Variants in RAB11FIP4 observed in about 807,000 individuals in gnomAD.
RAB11FIP4 encodes rab11 family-interacting protein 4.
Under a neutral mutation model 74.3 loss-of-function variants are expected in RAB11FIP4, and 23 were observed. The ratio of observed to expected loss-of-function variants is 0.31; its 90% CI spans 0.22 to 0.44. RAB11FIP4 has a LOEUF of 0.44. RAB11FIP4 is among the 20% of genes least tolerant of loss of function. The pLI, the probability that RAB11FIP4 is intolerant of heterozygous loss-of-function variation, is 1.00. For synonymous variants in RAB11FIP4, 360 were observed against 359.9 expected (o/e 1.00, Z 0.00); for missense variants, 630 against 863.9 (o/e 0.73, Z 3.39).
rs766124598 is a variant in RAB11FIP4 at position 31,428,943 on chromosome 17, T to TA, written c.160-2862dup. 1.4e-4 allele frequency among the ~76,000 whole-genome samples: 21 copies of TA among 151,744 alleles called. 1 individual carries two copies. The East Asian group carries it at 2.7e-3, about 20-fold the overall frequency. ...GGCAATAATGTGAGGACATGGCTCT[T>TA]AAAAAAAAGTTGTTATTATTATGAT... On this transcript the variant is annotated intron_variant, in intron 1 of 14. Transcript: ENST00000621161.
intron 1 of RAB11FIP4, among the ~76,000 whole-genome samples, chr17:31,395,542 T>C (rs2070921099): frequency 6.6e-6 from 1 of 152,138 alleles, no homozygotes; most frequent in Non-Finnish European, 1.5e-5. Context: ...TCCTCTGTGG[T>C]CTTCCTCCCA....
intron 1 of RAB11FIP4, among the ~76,000 whole-genome samples, chr17:31,419,643 C>T (rs71375445): frequency 0.07 from 10,620 of 151,638 alleles, 493 homozygotes; most frequent in Middle Eastern, 0.14. Context: ...CTCCGCCTCC[C>T]GGGTTCACGC....
chr17:31,491,295 C>T (rs2072003230), intron 3 of RAB11FIP4, among the ~76,000 whole-genome samples: 1 of 152,238 alleles, frequency 6.6e-6, no homozygotes, highest in Admixed American at 6.5e-5. Flanking sequence ...AATTCATTCA[C>T]CAGATTCTTC....
At chr17:31,480,295 T>A (rs2071833881) in intron 3 of RAB11FIP4, among the ~76,000 whole-genome samples, 1 of 152,102 alleles carries the variant, frequency 6.6e-6, no homozygotes, top group Admixed American at 6.6e-5. Context: ...GAGAACATTG[T>A]GTGCCAGGAT....
At chr17:31,438,292 G>A (rs1489815634) in intron 3 of RAB11FIP4, among the ~76,000 whole-genome samples, 1 of 152,072 alleles carries the variant, frequency 6.6e-6, no homozygotes, top group Non-Finnish European at 1.5e-5. Flanking sequence ...CCCCTCAGCA[G>A]GCAGTAATGT....
At chr17:31,527,696 T>C in intron 10 of RAB11FIP4, 146 bp from the exon 11 acceptor site, 1 of 611,458 alleles carries the variant, frequency 1.6e-6, no homozygotes. Flanking sequence ...CTAAATTGTC[T>C]TTGACATAAT....
At chr17:31,427,419 A>G (rs996025266) in intron 1 of RAB11FIP4, among the ~76,000 whole-genome samples, 1 of 152,092 alleles carries the variant, frequency 6.6e-6, no homozygotes, top group African/African-American at 2.4e-5. Context: ...TCAGTACCCC[A>G]TCTGTCTGCC....
chr17:31,505,452 AATT>A (rs571664563), intron 3 of RAB11FIP4, among the ~76,000 whole-genome samples: 1,347 of 97,688 alleles, frequency 0.014, 55 homozygotes, highest in African/African-American at 0.057. Flanking sequence ...AATATATAAT[AATT>A]ATTATAACAT....
In RAB11FIP4 at chr17:31,522,067, C is replaced by A. The variant is rs1418645217; in HGVS notation, c.893+18C>A. ...GCCAACAGGTGAGGCCCAGGCCCAG[C>A]TGGGGGGTGAGAGGCCGGGGGGCCA... On this transcript the variant is annotated intron_variant, in intron 6 of 14. Coordinates refer to ENST00000621161, the MANE Select transcript of RAB11FIP4 (RefSeq NM_032932.6). 1 of 1,613,680 alleles carries A rather than the reference C, an allele frequency of 6.2e-7. No homozygotes were observed. The highest frequency in any genetic ancestry group is 1.3e-5 in the African/African-American group (1 of 74,926).
intron 1 of RAB11FIP4, among the ~76,000 whole-genome samples, chr17:31,410,893 T>A (rs2071087464): frequency 6.6e-6 from 1 of 152,158 alleles, no homozygotes. Context: ...GGTCTCATCA[T>A]CAGAATCTCC....
At position 31,483,810 on chromosome 17, in the gene RAB11FIP4, T is replaced by C. The variant is rs562559681; in HGVS notation, c.337-33841T>C. 8.5e-5 allele frequency among the ~76,000 whole-genome samples: 13 copies of C among 152,250 alleles called. No homozygotes were observed. In the South Asian group the frequency reaches 1.0e-3, roughly 12 times the overall value. ...TAATGATCATGAAACCATATATATA[T>C]ATATTTAGCCAGTCGTTCCACATGG... On this transcript the variant is annotated intron_variant, in intron 3 of 14. Coordinates refer to ENST00000621161, the MANE Select transcript of RAB11FIP4 (RefSeq NM_032932.6).
At chr17:31,509,559 C>T (rs1291878751) in intron 3 of RAB11FIP4, 1 of 152,418 alleles carries the variant, frequency 6.6e-6, no homozygotes, top group Non-Finnish European at 1.5e-5. Context: ...GGCTGCCATC[C>T]CCTGGGAGGG....
rs1371164561 is a variant in RAB11FIP4 at position 31,534,302 on chromosome 17, C to G, written c.*2570C>G. ...TTATTTTTAGAGATAGGATCTTGCT[C>G]TGTTGCCCAGGCTGGAGTGTAGTGG... On this transcript the variant is annotated 3_prime_UTR_variant, in exon 15 of 15. Coordinates refer to ENST00000621161, the MANE Select transcript of RAB11FIP4 (RefSeq NM_032932.6). 1 of 152,226 alleles carries G rather than the reference C, an allele frequency of 6.6e-6. No homozygotes were observed. The highest frequency in any genetic ancestry group is 2.4e-5 in the African/African-American group (1 of 41,450). The allele number at this position is 152,226 out of a possible 1,614,324, so 9.4% of individuals were successfully genotyped here.
intron 1 of RAB11FIP4, among the ~76,000 whole-genome samples, chr17:31,414,528 A>T (rs568685313): frequency 6.6e-6 from 1 of 152,362 alleles, no homozygotes; most frequent in South Asian, 2.1e-4. Flanking sequence ...GGATTCTGTC[A>T]GCCCAGACTC....
At chr17:31,524,807 G>A (rs1265876764) in intron 9 of RAB11FIP4, 7 of 517,152 alleles carry the variant, frequency 1.4e-5, no homozygotes, top group South Asian at 4.5e-5. Context: ...AGGTGGTTCC[G>A]GCCAGGTGTG....
chr17:31,537,878 G>T lies in RAB11FIP4; in HGVS notation c.*6146G>T, dbSNP rs2072993830. ...CCTTCCAGCTCCTCCCACTTTCTTG[G>T]CTGGGTCTTCTGAGGCCTACGTGGA... On this transcript the variant is annotated 3_prime_UTR_variant, in exon 15 of 15. Coordinates refer to ENST00000621161, the MANE Select transcript of RAB11FIP4 (RefSeq NM_032932.6). 1 of 152,836 alleles carries T rather than the reference G, an allele frequency of 6.5e-6. No homozygotes were observed. Among genetic ancestry groups the T allele is most frequent in the African/African-American group, 2.4e-5 (1 of 41,474 alleles). 9.5% of individuals were successfully genotyped at this position (152,836 alleles called of 1,614,324 possible).
At chr17:31,490,095 G>T (rs1463350545) in intron 3 of RAB11FIP4, among the ~76,000 whole-genome samples, 1 of 151,950 alleles carries the variant, frequency 6.6e-6, no homozygotes, top group Non-Finnish European at 1.5e-5. Context: ...TGGGGTTCCA[G>T]GGGCAGCCTG....
intron 1 of RAB11FIP4, among the ~76,000 whole-genome samples, chr17:31,409,185 T>C (rs187741228): frequency 1.3e-5 from 2 of 152,210 alleles, no homozygotes; most frequent in African/African-American, 4.8e-5. Flanking sequence ...CCTTATAATT[T>C]TTTACAGTGG....
intron 3 of RAB11FIP4, among the ~76,000 whole-genome samples, chr17:31,436,599 T>C (rs545471597): frequency 6.6e-6 from 1 of 152,250 alleles, no homozygotes; most frequent in African/African-American, 2.4e-5. Context: ...CTCTTTTTTG[T>C]AAACCGATAT....
Sources: allele counts gnomAD v4.1 joint callset (sites outside exome capture counted in the v4.1 genomes callset), GRCh38; gene constraint gnomAD v4.1.1; transcripts MANE v1.5; gene names NCBI Gene and HGNC (gene_info 2026-07-23, HGNC 2026-07-21).